H6PD: variants seen among roughly 807,000 people sequenced by gnomAD.
The protein encoded by H6PD is GDH/6PGL endoplasmic bifunctional protein.
A neutral mutation model predicts 61.2 loss-of-function variants in H6PD; 48 were observed. The observed-to-expected ratio is 0.78, with a 90% CI of 0.62 to 1.00. The LOEUF (loss-of-function observed/expected upper bound fraction) is 1.00. Among genes scored for constraint, H6PD ranks in the 50% least tolerant of loss-of-function variants. The probability of loss-of-function intolerance (pLI) is 0.00; values close to 1 mark genes in which losing one functional copy is unlikely to be tolerated. For missense variants in H6PD, 1,093 were observed against 1,065.0 expected, an observed-to-expected ratio of 1.03 and a Z score of -0.37; for synonymous variants, 480 against 457.9, an observed-to-expected ratio of 1.05 and a Z score of -0.62.
At chr1:9,242,196 C>T (rs1272369987) in intron 1 of H6PD, among the ~76,000 whole-genome samples, 1 of 152,118 alleles carries the variant, frequency 6.6e-6, no homozygotes, top group Admixed American at 6.5e-5. Context: ...CTCAGTATTC[C>T]GGAGTCTCAC....
At chr1:9,260,950 A>C (rs879532574) in intron 3 of H6PD, among the ~76,000 whole-genome samples, 1 of 151,882 alleles carries the variant, frequency 6.6e-6, no homozygotes, top group Non-Finnish European at 1.5e-5. Context: ...CCCCACTTCC[A>C]GGGCTCATGT....
intron 3 of H6PD, among the ~76,000 whole-genome samples, chr1:9,250,839 G>A (rs902185850): frequency 6.6e-6 from 1 of 152,230 alleles, no homozygotes; most frequent in African/African-American, 2.4e-5. Flanking sequence ...CTAAGTGGGT[G>A]GAAGCCGGCT....
At chr1:9,259,334 T>A (rs761727457) in intron 3 of H6PD, among the ~76,000 whole-genome samples, 8 of 152,218 alleles carry the variant, frequency 5.3e-5, no homozygotes, top group Non-Finnish European at 1.2e-4. Context: ...GTTGTTATGT[T>A]GTTGTTACAC....
chr1:9,246,991 G>T lies in H6PD; in HGVS notation c.653G>T (p.Arg218Leu). Residue 218 changes from arginine to leucine, a missense_variant, in exon 3 of 5, where the codon CGA becomes CTA. By Grantham distance (102) the Arg-to-Leu change is moderately radical. Transcript: ENST00000377403. ...GCTGTGGCGCAGATCCTGCCTTTCCGAGACCAGAACCGCAAGGCTTTGGAC... is the reference window on the plus strand; with the variant it reads ...GCTGTGGCGCAGATCCTGCCTTTCCTAGACCAGAACCGCAAGGCTTTGGAC... ...KQAVAQILPF[R>L]DQNRKALDGL... 2 of 1,613,750 alleles carry T rather than the reference G, an allele frequency of 1.2e-6. No individual in the cohort carries two copies. The highest frequency in any genetic ancestry group is 1.7e-6 in the Non-Finnish European group (2 of 1,179,730).
chr1:9,246,666 C>G (rs1641184126), intron 2 of H6PD, among the ~76,000 whole-genome samples: 1 of 152,168 alleles, frequency 6.6e-6, no homozygotes, highest in African/African-American at 2.4e-5. Context: ...CAGAGCTTTT[C>G]TTTGCTACAT....
In H6PD at chr1:9,262,025, A is replaced by G. The variant is rs1346752282; in HGVS notation, c.746-34A>G. ...AGATCTGATGTTCTGGCCTCTCTTT[A>G]GATCCTCCCCACTTCTCCACCTCCC... On this transcript the variant is annotated intron_variant, in intron 3 of 4. Transcript: ENST00000377403. The G allele has an allele frequency of 1.9e-6, 3 of 1,612,242 alleles. No homozygotes were observed. The Admixed American group carries it at 5.0e-5, about 27-fold the overall frequency.
chr1:9,244,011 T>C (rs1226813370), intron 1 of H6PD, among the ~76,000 whole-genome samples: 2 of 152,118 alleles, frequency 1.3e-5, no homozygotes, highest in African/African-American at 4.8e-5. Flanking sequence ...CCCTGGGACC[T>C]TCATTGACCT....
intron 1 of H6PD, among the ~76,000 whole-genome samples, chr1:9,236,075 C>G (rs1275017025): frequency 6.6e-6 from 1 of 152,064 alleles, no homozygotes; most frequent in Non-Finnish European, 1.5e-5. Flanking sequence ...CTGCAACCTT[C>G]TCCTCCTGGT....
intron 3 of H6PD, among the ~76,000 whole-genome samples, chr1:9,253,100 C>T (rs1048143767): frequency 1.3e-5 from 2 of 152,208 alleles, no homozygotes; most frequent in East Asian, 1.9e-4. Flanking sequence ...TCCTTGCACT[C>T]AGCTGCATGG....
chr1:9,268,460 T>G lies in H6PD; in HGVS notation c.*3591T>G, dbSNP rs1381518279. The G allele has an allele frequency of 6.6e-6, 1 of 152,174 alleles. No homozygotes were observed. The highest frequency in any genetic ancestry group is 1.5e-5 in the Non-Finnish European group (1 of 68,036). The allele number at this position is 152,174 out of a possible 1,614,324, so 9.4% of individuals were successfully genotyped here. On this transcript the variant is annotated 3_prime_UTR_variant, in exon 5 of 5. Coordinates refer to ENST00000377403, the MANE Select transcript of H6PD (RefSeq NM_004285.4). ...CCGCATGGAAGCCCACGTGTGCACT[T>G]AGGGGCCCATAAATGGCAGAAGGGC...
At chr1:9,262,662 G>A (rs915617291) in intron 4 of H6PD, among the ~76,000 whole-genome samples, 6 of 152,190 alleles carry the variant, frequency 3.9e-5, no homozygotes, top group Admixed American at 3.9e-4. Flanking sequence ...GAGGCCGCAA[G>A]CCTTTTGCCT....
In H6PD at chr1:9,264,464, C is replaced by A; in HGVS notation, c.1971C>A (p.His657Gln). The A allele has an allele frequency of 2.5e-6, 4 of 1,613,312 alleles. No individual in the cohort carries two copies. The highest frequency in any genetic ancestry group is 3.4e-6 in the Non-Finnish European group (4 of 1,179,978). The change falls in exon 5 of 5, where the codon CAC becomes CAA. Residue 657 changes from histidine to glutamine, a missense_variant. His to Gln is a conservative substitution (Grantham distance 24). Coordinates refer to ENST00000377403, the MANE Select transcript of H6PD (RefSeq NM_004285.4). Reference sequence around the variant, plus strand: ...ACAACATCCACCCCATGCCTGTGCACCTGCAGCAGCGGCTCTGCGCCGAGG... The same window carrying A: ...ACAACATCCACCCCATGCCTGTGCAACTGCAGCAGCGGCTCTGCGCCGAGG... ...PYYNIHPMPVHLQQRLCAEED... is the reference protein window; with the variant it reads ...PYYNIHPMPVQLQQRLCAEED...
intron 3 of H6PD, among the ~76,000 whole-genome samples, chr1:9,261,282 C>G (rs765646380): frequency 1.2e-4 from 18 of 152,188 alleles, no homozygotes; most frequent in Non-Finnish European, 1.9e-4. Flanking sequence ...GATCTCCTCT[C>G]CAGCCTCACC....
chr1:9,257,762 T>C (rs900321122), intron 3 of H6PD, among the ~76,000 whole-genome samples: 5 of 152,164 alleles, frequency 3.3e-5, no homozygotes, highest in African/African-American at 1.2e-4. Flanking sequence ...GTTTGCTGGG[T>C]GAACAAACAA....
At chr1:9,262,889 C>T (rs1638373761) in intron 4 of H6PD, among the ~76,000 whole-genome samples, 1 of 152,188 alleles carries the variant, frequency 6.6e-6, no homozygotes, top group Non-Finnish European at 1.5e-5. Context: ...AGGCAGGGGC[C>T]ATTAGCCCCG....
At chr1:9,251,996 A>G (rs1253162039) in intron 3 of H6PD, among the ~76,000 whole-genome samples, 2 of 151,606 alleles carry the variant, frequency 1.3e-5, no homozygotes, top group East Asian at 1.9e-4. Flanking sequence ...GCGCACATCT[A>G]TACAATGCTG....
chr1:9,264,640 T>C lies in H6PD; in HGVS notation c.2147T>C (p.Val716Ala), dbSNP rs926013288. 3.1e-6 allele frequency: 5 copies of C among 1,612,884 alleles called. No homozygotes were observed. The African/African-American group carries it at 6.7e-5, about 22-fold the overall frequency. ...SPTGLDGEQL[V>A]VLTTSPSQPH... ...ACTGGCCTGGATGGCGAGCAGCTGG[T>C]CGTGCTGACCACGAGCCCCTCCCAG... Residue 716 changes from valine to alanine, a missense_variant, in exon 5 of 5, where the codon GTC becomes GCC. Coordinates refer to ENST00000377403, the MANE Select transcript of H6PD (RefSeq NM_004285.4).
chr1:9,260,940 C>G (rs998805696), intron 3 of H6PD, among the ~76,000 whole-genome samples: 6 of 152,062 alleles, frequency 3.9e-5, no homozygotes, highest in Non-Finnish European at 7.4e-5. Context: ...TCTGCTCAGG[C>G]CCCACTTCCA....
intron 1 of H6PD, among the ~76,000 whole-genome samples, chr1:9,235,791 T>A (rs2100297779): frequency 6.6e-6 from 1 of 152,216 alleles, no homozygotes; most frequent in East Asian, 1.9e-4. Flanking sequence ...TTAAACCTTT[T>A]GTAGAGACAG....
Sources: gnomAD v4.1 joint callset for allele counts (sites outside exome capture counted in the v4.1 genomes callset) on GRCh38, gnomAD v4.1.1 for gene constraint, MANE v1.5 for transcripts, NCBI Gene and HGNC (gene_info 2026-07-23, HGNC 2026-07-21) for gene names.